Variants in TNIK observed in about 807,000 individuals in gnomAD.
The protein encoded by TNIK is TRAF2 and NCK interacting kinase, also known as TRAF2 and NCK-interacting protein kinase.
Under a neutral mutation model 191.3 loss-of-function variants are expected in TNIK, and 49 were observed. That is an observed-to-expected ratio of 0.26 (90% CI 0.20 to 0.32). The LOEUF is 0.32. TNIK is among the 10% of genes least tolerant of loss of function. The pLI is 1.00. For synonymous variants in TNIK, 594 were observed against 600.9 expected (o/e 0.99, Z 0.17); for missense variants, 1,155 against 1,702.3 (o/e 0.68, Z 5.66).
Position 171,060,758 on chromosome 3 carries a change from A to G in TNIK, c.*3123T>C, listed in dbSNP as rs1036776842. 2.0e-5 allele frequency among the ~76,000 whole-genome samples: 3 copies of G among 152,140 alleles called. No homozygotes were observed. The highest frequency in any genetic ancestry group is 4.4e-5 in the Non-Finnish European group (3 of 68,028). On this transcript the variant is annotated 3_prime_UTR_variant, in exon 33 of 33. Transcript: ENST00000436636. ...ATCCATTCCTACCACCACTGGATGCAGGAATCCATGCTACAGTATCTTTGA... is the reference window on the plus strand; with the variant it reads ...ATCCATTCCTACCACCACTGGATGCGGGAATCCATGCTACAGTATCTTTGA...
At position 171,157,896 on chromosome 3, in the gene TNIK, T is replaced by C. The variant is rs187901939; in HGVS notation, c.1017-232A>G. On this transcript the variant is annotated intron_variant, in intron 11 of 32. Transcript: ENST00000436636. ...GGCCAACAAATGCTGCCTCCATCCA[T>C]AGAGGGATGTCACATTCTCAGAGTT... Among the ~76,000 whole-genome samples, 126 of 152,290 alleles carry C rather than the reference T, an allele frequency of 8.3e-4. 1 individual carries two copies. The highest frequency in any genetic ancestry group is 6.8e-3 in the Middle Eastern group (2 of 294).
At chr3:171,173,814 C>T (rs903434515) in intron 9 of TNIK, among the ~76,000 whole-genome samples, 9 of 152,062 alleles carry the variant, frequency 5.9e-5, no homozygotes, top group Admixed American at 3.3e-4. Context: ...AGACTCAGCT[C>T]AGATATCAAG....
intron 1 of TNIK, among the ~76,000 whole-genome samples, chr3:171,396,242 A>G (rs60796695): frequency 0.17 from 26,375 of 152,130 alleles, 2,523 homozygotes; most frequent in South Asian, 0.3. Context: ...TTCACTTAGC[A>G]TAATGTTTTG....
At chr3:171,186,764 T>G (rs1166736515) in intron 7 of TNIK, among the ~76,000 whole-genome samples, 1 of 152,236 alleles carries the variant, frequency 6.6e-6, no homozygotes, top group Non-Finnish European at 1.5e-5. Flanking sequence ...CCAGTACCTC[T>G]GAAATCACTG....
chr3:171,267,735 A>T (rs944503619), intron 2 of TNIK, among the ~76,000 whole-genome samples: 5 of 152,212 alleles, frequency 3.3e-5, no homozygotes, highest in Non-Finnish European at 7.3e-5. Flanking sequence ...AGGAGAAATA[A>T]AGGCAACTTT....
chr3:171,088,827 A>T (rs1721691344), intron 23 of TNIK, among the ~76,000 whole-genome samples: 1 of 152,220 alleles, frequency 6.6e-6, no homozygotes, highest in Admixed American at 6.5e-5. Flanking sequence ...TTCTTAGAGC[A>T]GATCTGATTA....
intron 2 of TNIK, among the ~76,000 whole-genome samples, chr3:171,251,077 T>A (rs1011144237): frequency 6.6e-6 from 1 of 152,116 alleles, no homozygotes; most frequent in African/African-American, 2.4e-5. Context: ...CAACAAAAGG[T>A]ATCATGTACA....
chr3:171,393,180 C>A (rs1328738948), intron 1 of TNIK, among the ~76,000 whole-genome samples: 1 of 152,214 alleles, frequency 6.6e-6, no homozygotes, highest in Non-Finnish European at 1.5e-5. Context: ...TTTGGCAGTG[C>A]TTGCTGCATT....
At chr3:171,449,502 G>A (rs188002124) in intron 1 of TNIK, among the ~76,000 whole-genome samples, 1 of 152,222 alleles carries the variant, frequency 6.6e-6, no homozygotes, top group East Asian at 1.9e-4. Context: ...TTAATAGCAT[G>A]AGAAAAGGCT....
intron 1 of TNIK, among the ~76,000 whole-genome samples, chr3:171,414,253 A>T (rs1426528436): frequency 6.6e-6 from 1 of 152,212 alleles, no homozygotes; most frequent in South Asian, 2.1e-4. Flanking sequence ...TTTAAATGGG[A>T]ATGAAAAGTG....
At chr3:171,348,879 G>A (rs776633829) in intron 2 of TNIK, among the ~76,000 whole-genome samples, 1 of 151,998 alleles carries the variant, frequency 6.6e-6, no homozygotes, top group Non-Finnish European at 1.5e-5. Flanking sequence ...AATTTAAAAA[G>A]TATGTACTAT....
chr3:171,384,348 A>G (rs1208743055), intron 1 of TNIK, among the ~76,000 whole-genome samples: 1 of 152,264 alleles, frequency 6.6e-6, no homozygotes, highest in East Asian at 1.9e-4. Context: ...TTAGAGCCAA[A>G]GTCTCTTCAC....
chr3:171,309,710 G>T (rs1291681015), intron 2 of TNIK, among the ~76,000 whole-genome samples: 2 of 152,154 alleles, frequency 1.3e-5, no homozygotes, highest in Admixed American at 6.6e-5. Flanking sequence ...AGTTTGTAAA[G>T]GGTGGGGGTT....
In TNIK at chr3:171,079,672, T is replaced by A. The variant is rs1354372343; in HGVS notation, c.3314-20A>T. The A allele has an allele frequency of 3.1e-6, 5 of 1,590,276 alleles. No individual in the cohort carries two copies. In the African/African-American group the frequency reaches 6.7e-5, roughly 21 times the overall value. On this transcript the variant is annotated intron_variant, in intron 27 of 32. Coordinates refer to ENST00000436636, the MANE Select transcript of TNIK (RefSeq NM_015028.4). ...TCTTTCCTGTTGAAATAATAGAGGTTTAATTTCAAATTGCTGTGACAGCTC... is the reference window on the plus strand; with the variant it reads ...TCTTTCCTGTTGAAATAATAGAGGTATAATTTCAAATTGCTGTGACAGCTC...
intron 2 of TNIK, among the ~76,000 whole-genome samples, chr3:171,299,034 C>T (rs1752615632): frequency 6.6e-6 from 1 of 152,088 alleles, no homozygotes; most frequent in Admixed American, 6.6e-5. Context: ...CCCTGAAATT[C>T]CTCCTGAAAT....
chr3:171,290,884 TATG>T (rs1170794144), intron 2 of TNIK, among the ~76,000 whole-genome samples: 4 of 152,126 alleles, frequency 2.6e-5, no homozygotes, highest in Admixed American at 6.5e-5. Flanking sequence ...ATAAATCAGA[TATG>T]ATGAATTCCA....
intron 1 of TNIK, among the ~76,000 whole-genome samples, chr3:171,378,246 T>C (rs1018798617): frequency 1.3e-5 from 2 of 152,164 alleles, no homozygotes; most frequent in Non-Finnish European, 2.9e-5. Context: ...AACCAATTAA[T>C]TGACAGTGAG....
intron 4 of TNIK, among the ~76,000 whole-genome samples, chr3:171,203,881 G>A (rs1739727898): frequency 6.6e-6 from 1 of 152,134 alleles, no homozygotes; most frequent in Admixed American, 6.5e-5. Flanking sequence ...AGATTATTGA[G>A]CCGCTACAGG....
intron 1 of TNIK, among the ~76,000 whole-genome samples, chr3:171,380,331 G>C (rs1717865215): frequency 6.6e-6 from 1 of 152,164 alleles, no homozygotes; most frequent in Non-Finnish European, 1.5e-5. Flanking sequence ...AAGATACTTA[G>C]ATGAAGAAAA....
Sources: allele counts gnomAD v4.1 joint callset (sites outside exome capture counted in the v4.1 genomes callset), GRCh38; gene constraint gnomAD v4.1.1; transcripts MANE v1.5; gene names NCBI Gene and HGNC (gene_info 2026-07-23, HGNC 2026-07-21).